The following PKD1L3 variants were observed in gnomAD, a reference collection of about 807,000 sequenced individuals.
The protein encoded by PKD1L3 is polycystin-1-like protein 3.
Under a neutral mutation model 184.1 loss-of-function variants are expected in PKD1L3, and 239 were observed. The observed-to-expected ratio is 1.30, with a 90% CI of 1.17 to 1.45. PKD1L3 has a LOEUF of 1.45. Ranked by LOEUF, PKD1L3 falls within the 40% of genes most tolerant of loss-of-function variation. The probability of loss-of-function intolerance (pLI) is 0.00; values close to 1 mark genes in which losing one functional copy is unlikely to be tolerated. For missense variants in PKD1L3, 2,660 were observed against 2,067.2 expected, an observed-to-expected ratio of 1.29 and a Z score of -5.56; for synonymous variants, 996 against 778.8, an observed-to-expected ratio of 1.28 and a Z score of -4.64.
chr16:71,932,268 G>C (rs1013292171), intron 28 of PKD1L3, among the ~76,000 whole-genome samples: 1 of 152,078 alleles, frequency 6.6e-6, no homozygotes, highest in Non-Finnish European at 1.5e-5. Context: ...TTCCTTGCTT[G>C]GTCATATCTA....
intron 9 of PKD1L3, 139 bp from the exon 10 acceptor site, chr16:71,978,522 CAT>C (rs1256940890): frequency 8.8e-5 from 10 of 114,040 alleles, no homozygotes; most frequent in East Asian, 7.9e-4. Flanking sequence ...TATATATATA[CAT>C]ACATACATAC....
chr16:71,970,109 G>C lies in PKD1L3; in HGVS notation c.1954-4C>G. The C allele has an allele frequency of 6.5e-7, 1 of 1,549,678 alleles. No homozygotes were observed. The highest frequency in any genetic ancestry group is 1.2e-5 in the South Asian group (1 of 83,954). On this transcript the variant is annotated splice_polypyrimidine_tract_variant and splice_region_variant and intron_variant, in intron 12 of 29. Coordinates refer to ENST00000620267, the MANE Select transcript of PKD1L3 (RefSeq NM_181536.2). ...GAATTGTGCTCTGTGGCCCAACCTGGAATTAGAATCAAGACGTTGATTCTA... is the reference window on the plus strand; with the variant it reads ...GAATTGTGCTCTGTGGCCCAACCTGCAATTAGAATCAAGACGTTGATTCTA...
At chr16:71,963,987 G>A (rs7196134) in intron 15 of PKD1L3, among the ~76,000 whole-genome samples, 195 of 152,122 alleles carry the variant, frequency 1.3e-3, no homozygotes, top group African/African-American at 4.7e-3. Flanking sequence ...ATCATCAGGG[G>A]GCATAAATGG....
At chr16:71,963,970 G>A (rs1175545327) in intron 15 of PKD1L3, among the ~76,000 whole-genome samples, 6 of 152,124 alleles carry the variant, frequency 3.9e-5, no homozygotes, top group African/African-American at 1.4e-4. Flanking sequence ...TATCCCATCT[G>A]CCTTTCATCA....
intron 11 of PKD1L3, among the ~76,000 whole-genome samples, chr16:71,974,020 A>G (rs200892886): frequency 1.1e-4 from 2 of 18,888 alleles, no homozygotes; most frequent in Admixed American, 3.1e-4. Flanking sequence ...AAAAAAATAT[A>G]TATATTCTTC....
chr16:71,995,995 T>C (rs1234462253), intron 2 of PKD1L3, among the ~76,000 whole-genome samples: 2 of 152,198 alleles, frequency 1.3e-5, no homozygotes, highest in Non-Finnish European at 2.9e-5. Flanking sequence ...GCTATTTTTT[T>C]TGGCAAAAAT....
intron 22 of PKD1L3, among the ~76,000 whole-genome samples, chr16:71,945,614 G>C (rs914015214): frequency 1.3e-5 from 2 of 151,520 alleles, no homozygotes; most frequent in Non-Finnish European, 2.9e-5. Flanking sequence ...GGAGGCAGAG[G>C]TTGCAGTGAG....
At chr16:71,995,561 A>G (rs1277507868) in intron 2 of PKD1L3, among the ~76,000 whole-genome samples, 3 of 152,132 alleles carry the variant, frequency 2.0e-5, no homozygotes, top group Non-Finnish European at 4.4e-5. Context: ...ATTTTCCACT[A>G]AAAAAATACA....
At chr16:71,942,478 T>G in intron 24 of PKD1L3, 82 bp downstream of exon 24, 5 of 1,234,348 alleles carry the variant, frequency 4.1e-6, no homozygotes, top group Non-Finnish European at 5.6e-6. Context: ...TTACCTTCAA[T>G]GAAACCACAT....
intron 12 of PKD1L3, among the ~76,000 whole-genome samples, 195 bp from the exon 13 acceptor site, chr16:71,970,300 C>G (rs1292905405): frequency 6.6e-6 from 1 of 152,130 alleles, no homozygotes; most frequent in Non-Finnish European, 1.5e-5. Flanking sequence ...GCAGAACAAA[C>G]TCTTTGAATC....
At chr16:71,989,834 G>A (rs1466959284) in intron 4 of PKD1L3, among the ~76,000 whole-genome samples, 2 of 152,146 alleles carry the variant, frequency 1.3e-5, no homozygotes, top group Non-Finnish European at 2.9e-5. Context: ...CAGCAGTTTG[G>A]GAGGCTGAGG....
intron 28 of PKD1L3, 36 bp downstream of exon 28, chr16:71,933,384 A>G: frequency 6.8e-7 from 1 of 1,459,914 alleles, no homozygotes; most frequent in Non-Finnish European, 9.4e-7. Context: ...TGTTCAATAT[A>G]TTGAATTCTG....
chr16:71,968,562 A>G (rs1027802029), intron 13 of PKD1L3, among the ~76,000 whole-genome samples: 1 of 152,196 alleles, frequency 6.6e-6, no homozygotes, highest in South Asian at 2.1e-4. Flanking sequence ...TTTTGTTTTA[A>G]AAAACATGCC....
intron 18 of PKD1L3, among the ~76,000 whole-genome samples, 180 bp from the exon 19 acceptor site, chr16:71,951,924 C>G (rs547728794): frequency 6.1e-4 from 93 of 152,256 alleles, no homozygotes; most frequent in Non-Finnish European, 1.2e-3. Flanking sequence ...CTCATGGTAG[C>G]TGCAATACCA....
chr16:71,952,055 G>A (rs1343303365), intron 18 of PKD1L3, among the ~76,000 whole-genome samples: 1 of 152,088 alleles, frequency 6.6e-6, no homozygotes, highest in Non-Finnish European at 1.5e-5. Flanking sequence ...ATCATCAAGA[G>A]TAAAAGCTAA....
chr16:71,952,720 C>A (rs960242015), intron 18 of PKD1L3, among the ~76,000 whole-genome samples, 174 bp downstream of exon 18: 1 of 152,048 alleles, frequency 6.6e-6, no homozygotes, highest in African/African-American at 2.4e-5. Context: ...CCTGTAGTCC[C>A]AGCTACTTGG....
At chr16:71,933,287 T>G in intron 28 of PKD1L3, 133 bp downstream of exon 28, 1 of 687,024 alleles carries the variant, frequency 1.5e-6, no homozygotes, top group Non-Finnish European at 2.6e-6. Flanking sequence ...CATAAAGCAG[T>G]AGAGCAAAGG....
chr16:71,956,352 C>T (rs60447882), intron 16 of PKD1L3, among the ~76,000 whole-genome samples: 131 of 151,986 alleles, frequency 8.6e-4, no homozygotes, highest in African/African-American at 2.9e-3. Flanking sequence ...CACAGCCATG[C>T]CTGGCTAATT....
chr16:71,948,139 C>T (rs968087069), intron 21 of PKD1L3, among the ~76,000 whole-genome samples: 6 of 152,110 alleles, frequency 3.9e-5, no homozygotes, highest in South Asian at 4.2e-4. Flanking sequence ...TGGAGTACAA[C>T]GGCACGATCT....
Sources: allele counts gnomAD v4.1 joint callset (sites outside exome capture counted in the v4.1 genomes callset), GRCh38; gene constraint gnomAD v4.1.1; transcripts MANE v1.5; gene names NCBI Gene and HGNC (gene_info 2026-07-23, HGNC 2026-07-21).